GBP3: variants seen among roughly 807,000 people sequenced by gnomAD.
The protein encoded by GBP3 is guanylate-binding protein 3.
GBP3 carries 55 observed loss-of-function variants against 62.4 expected under a neutral mutation model. The observed-to-expected ratio is 0.88, with a 90% confidence interval of 0.71 to 1.10. The LOEUF (loss-of-function observed/expected upper bound fraction) is 1.10, where lower values mean the gene tolerates loss of function less well. Among genes scored for constraint, GBP3 ranks in the 50% least tolerant of loss-of-function variants. The pLI, the probability that GBP3 is intolerant of heterozygous loss-of-function variation, is 0.00. For synonymous variants in GBP3, 208 were observed against 259.2 expected (o/e 0.80, Z 1.90); for missense variants, 605 against 690.6 (o/e 0.88, Z 1.39).
Position 89,020,703 on chromosome 1 carries a change from T to C in GBP3, c.19A>G (p.Met7Val). 1 of 1,614,048 alleles carries C rather than the reference T, an allele frequency of 6.2e-7. No homozygotes were observed. Among genetic ancestry groups the C allele is most frequent in the Non-Finnish European group, 8.5e-7 (1 of 1,179,910 alleles). The part of the protein sequence containing the change: MAPEIH[M>V]TGPMCLIENT... ...TCAATGAGGCACATTGGGCCTGTCA[T>C]GTGGATCTCTGGAGCCATGTCCAGG... is the stretch of plus-strand genomic sequence containing the variant. Residue 7 changes from methionine (M) to valine (V), a missense_variant, in exon 2 of 11, where the codon ATG becomes GTG. This residue lies in a region of GBP3 where 308 missense variants were observed against 318.0 expected (regional missense o/e 0.97). Transcript: ENST00000370481.
In GBP3 at chr1:89,014,548, A is replaced by G. The variant is rs1276657342; in HGVS notation, c.427T>C (p.Tyr143His). 1.2e-6 allele frequency: 2 copies of G among 1,614,096 alleles called. No homozygotes were observed. ...TINQQAMDQL[Y>H]YVTELTHRIR... is the part of the protein sequence containing the mutation. ...CTGTTCTGGGTCACAAAAGGATACTACAGTTGGTCCATAGCCTGCTGGTTG... is the reference window on the plus strand; with the variant it reads ...CTGTTCTGGGTCACAAAAGGATACTGCAGTTGGTCCATAGCCTGCTGGTTG... The change falls in exon 4 of 11, where the codon TAC becomes CAC. Residue 143 changes from tyrosine to histidine, a missense_variant and splice_region_variant. Tyr to His is a moderately conservative substitution (Grantham distance 83). Coordinates refer to ENST00000370481, the MANE Select transcript of GBP3 (RefSeq NM_018284.3).
intron 2 of GBP3, among the ~76,000 whole-genome samples, chr1:89,019,365 C>T (rs192600452): frequency 1.1e-3 from 161 of 152,344 alleles, no homozygotes; most frequent in African/African-American, 3.7e-3. Context: ...CTTGGCTCAC[C>T]GCAACCTCTG....
intron 9 of GBP3, 26 bp downstream of exon 9, chr1:89,009,366 A>G (rs773520369): frequency 1.9e-6 from 3 of 1,607,744 alleles, no homozygotes; most frequent in Non-Finnish European, 2.6e-6. Flanking sequence ...CTTTAGGATA[A>G]TCTGATCCTT....
At chr1:89,016,229 C>T (rs1055734316) in intron 2 of GBP3, among the ~76,000 whole-genome samples, 6 of 152,172 alleles carry the variant, frequency 3.9e-5, no homozygotes, top group South Asian at 2.1e-4. Flanking sequence ...TAAAATTGGC[C>T]AGGCACAGTG....
chr1:89,011,248 C>T lies in GBP3; in HGVS notation c.1150-132G>A, dbSNP rs181703188. ...GAAACTGACAGACTCCTCAGCAGGA[C>T]CACGCTCTTACTCCTGACCCCACTT... On this transcript the variant is annotated intron_variant, in intron 7 of 10. Transcript: ENST00000370481. The T allele has an allele frequency of 3.5e-4, 415 of 1,170,410 alleles. 57 individuals are homozygous for T. In the East Asian group the frequency reaches 0.01, roughly 29 times the overall value. 72.5% of individuals were successfully genotyped at this position (1,170,410 alleles called of 1,614,324 possible).
At chr1:89,015,213 A>T in intron 3 of GBP3, 74 bp downstream of exon 3, 1 of 1,420,128 alleles carries the variant, frequency 7.0e-7, no homozygotes, top group Non-Finnish European at 9.5e-7. Context: ...ACTCTTCTTT[A>T]AGAAAAAACT....
intron 3 of GBP3, 58 bp downstream of exon 3, chr1:89,015,229 G>C: frequency 2.7e-6 from 4 of 1,469,350 alleles, no homozygotes; most frequent in Non-Finnish European, 2.7e-6. Context: ...AAACTAAATG[G>C]TGCTTAAAAT....
rs377187128 is a variant in GBP3, at chr1:89,019,146, G to C, written c.190+1386C>G. On this transcript the variant is annotated intron_variant, in intron 2 of 10. Transcript: ENST00000370481. The stretch of plus-strand genomic sequence containing the variant: ...TGAAAAGGAGTGAAAGCAGGGACTC[G>C]AACAGATATTCAGACACCCATGATC... Among the ~76,000 whole-genome samples, 12 of 152,264 alleles carry C rather than the reference G, an allele frequency of 7.9e-5. No homozygotes were observed. The South Asian group carries it at 1.2e-3, about 16-fold the overall frequency.
rs1221993582 is a variant in GBP3, at chr1:89,021,828, A to G, written c.-23+856T>C. Among the ~76,000 whole-genome samples, 114 of 148,156 alleles carry G rather than the reference A, an allele frequency of 7.7e-4. 1 individual carries two copies. The highest frequency in any genetic ancestry group is 1.1e-3 in the South Asian group (5 of 4,716). On this transcript the variant is annotated intron_variant, in intron 1 of 10. Transcript: ENST00000370481. The stretch of plus-strand genomic sequence containing the variant: ...GAGAGAGAGAGAGAGAGAGAGAGAG[A>G]GAGAAAGTGCCAGCAAGGGAGATGT...
chr1:89,008,887 T>C, intron 10 of GBP3, 60 bp downstream of exon 10: 1 of 1,611,066 alleles, frequency 6.2e-7, no homozygotes, highest in Non-Finnish European at 8.5e-7. Flanking sequence ...ACTAAGTTTG[T>C]GATCAGGAAG....
rs765002801 is a variant in GBP3 at position 89,007,720 on chromosome 1, T to C, written c.*4A>G. 1.9e-6 allele frequency: 3 copies of C among 1,608,470 alleles called. No individual in the cohort carries two copies. The highest frequency in any genetic ancestry group is 1.1e-5 in the South Asian group (1 of 89,272). On this transcript the variant is annotated 3_prime_UTR_variant, in exon 11 of 11. Transcript: ENST00000370481. ...GGGTTAGGATGACAGAAAAGCTCTG[T>C]TGTTTAGATCTTTAGCTTATGCGAC...
chr1:89,012,727 T>G lies in GBP3; in HGVS notation c.868+458A>C, dbSNP rs1444835598. Among the ~76,000 whole-genome samples, 3 of 138,780 alleles carry G rather than the reference T, an allele frequency of 2.2e-5. 1 individual carries two copies. The highest frequency in any genetic ancestry group is 3.3e-5 in the Non-Finnish European group (2 of 60,200). 91.0% of individuals were successfully genotyped at this position (138,780 alleles called of 152,430 possible). ...TTTTTCCTTTGCTTTTCCTATCTTT[T>G]CCCACCAAGAAGGTTGACCAACAAA... On this transcript the variant is annotated intron_variant, in intron 6 of 10. Coordinates refer to ENST00000370481, the MANE Select transcript of GBP3 (RefSeq NM_018284.3).
chr1:89,020,294 G>A, intron 2 of GBP3: 1 of 574,024 alleles, frequency 1.7e-6, no homozygotes, highest in South Asian at 1.9e-5. Flanking sequence ...AGGAGAAAGA[G>A]TAGAACAAGG....
At chr1:89,014,791 A>G (rs964849685) in intron 3 of GBP3, 135 bp from the exon 4 acceptor site, 23 of 1,065,724 alleles carry the variant, frequency 2.2e-5, no homozygotes, top group Non-Finnish European at 3.1e-5. Flanking sequence ...ACCCAAATCC[A>G]AACAAAATGA....
In GBP3 at chr1:89,006,738, A is replaced by G. The variant is rs1013735815; in HGVS notation, c.*986T>C. ...AAATAATCTGTAATTGCTGTAAGAAATGTCAACCACTTACCTAGGATGTTT... is the reference window on the plus strand; with the variant it reads ...AAATAATCTGTAATTGCTGTAAGAAGTGTCAACCACTTACCTAGGATGTTT... On this transcript the variant is annotated 3_prime_UTR_variant, in exon 11 of 11. Coordinates refer to ENST00000370481, the MANE Select transcript of GBP3 (RefSeq NM_018284.3). 1 of 152,222 alleles carries G rather than the reference A, an allele frequency of 6.6e-6. No homozygotes were observed. Among genetic ancestry groups the G allele is most frequent in the African/African-American group, 2.4e-5 (1 of 41,470 alleles). 9.4% of individuals were successfully genotyped at this position (152,222 alleles called of 1,614,324 possible).
chr1:89,019,234 A>G (rs1186148795), intron 2 of GBP3, among the ~76,000 whole-genome samples: 1 of 152,244 alleles, frequency 6.6e-6, no homozygotes, highest in Admixed American at 6.5e-5. Flanking sequence ...TGACAAGCGA[A>G]CAGATAAATT....
rs1678641633 is a variant in GBP3, at chr1:89,012,858, A to T, written c.868+327T>A. Among the ~76,000 whole-genome samples the T allele has an allele frequency of 3.0e-5, 4 of 132,460 alleles. 1 individual carries two copies. In the Admixed American group the frequency reaches 3.1e-4, roughly 10 times the overall value. 86.9% of individuals were successfully genotyped at this position (132,460 alleles called of 152,430 possible). A position where few individuals can be genotyped will look rare whatever the true frequency, so the allele number is the denominator to read the frequency against. On this transcript the variant is annotated intron_variant, in intron 6 of 10. Transcript: ENST00000370481. ...TGGAGTTATTCTATGCTCCTTTCAT[A>T]TTTTTTTTTTCCTCTGTCACCCAGG...
chr1:89,020,491 G>A (rs1343934220), intron 2 of GBP3, 41 bp downstream of exon 2: 2 of 1,608,558 alleles, frequency 1.2e-6, no homozygotes, highest in Admixed American at 3.3e-5. Flanking sequence ...CTGTGTTGGG[G>A]GACAGAAGGG....
Position 89,014,037 on chromosome 1 carries a change from T to C in GBP3, c.625+46A>G, listed in dbSNP as rs750356169. ...AATAGTAAACTAAAAAATGATAATTTCTAGTGTTTTGTCGTCCTCATTTAT... is the reference window on the plus strand; with the variant it reads ...AATAGTAAACTAAAAAATGATAATTCCTAGTGTTTTGTCGTCCTCATTTAT... On this transcript the variant is annotated intron_variant, in intron 5 of 10. Coordinates refer to ENST00000370481, the MANE Select transcript of GBP3 (RefSeq NM_018284.3). 1.3e-5 allele frequency: 21 copies of C among 1,572,080 alleles called. No homozygotes were observed. The East Asian group carries it at 4.5e-4, about 34-fold the overall frequency.
Sources: allele counts gnomAD v4.1 joint callset (sites outside exome capture counted in the v4.1 genomes callset), GRCh38; gene constraint gnomAD v4.1.1; regional missense constraint gnomAD v4.1.1; transcripts MANE v1.5; gene names NCBI Gene and HGNC (gene_info 2026-07-23, HGNC 2026-07-21).